Variants in DRD3 observed in about 807,000 individuals in gnomAD.
DRD3 encodes the protein D(3) dopamine receptor.
DRD3 carries 19 observed loss-of-function variants against 36.3 expected under a neutral mutation model. The ratio of observed to expected loss-of-function variants is 0.52; its 90% CI spans 0.36 to 0.77. The LOEUF (loss-of-function observed/expected upper bound fraction) is 0.77, where lower values mean the gene tolerates loss of function less well. Among genes scored for constraint, DRD3 ranks in the 30% least tolerant of loss-of-function variants. The probability of loss-of-function intolerance (pLI) is 0.00; values close to 1 mark genes in which losing one functional copy is unlikely to be tolerated. For missense variants in DRD3, 465 were observed against 505.3 expected, an observed-to-expected ratio of 0.92 and a Z score of 0.77; for synonymous variants, 195 against 203.7, an observed-to-expected ratio of 0.96 and a Z score of 0.36.
At chr3:114,143,686 C>T in intron 4 of DRD3, among the ~76,000 whole-genome samples, 1 of 152,184 alleles carries the variant, frequency 6.6e-6, no homozygotes, top group Admixed American at 6.5e-5. Flanking sequence ...TAAGCTCCCC[C>T]TCCCCCAACC....
At chr3:114,160,610 C>T (rs1291552678) in intron 2 of DRD3, among the ~76,000 whole-genome samples, 1 of 152,188 alleles carries the variant, frequency 6.6e-6, no homozygotes, top group Admixed American at 6.5e-5. Context: ...AAGTCCTTCA[C>T]CCAGTAGAGA....
chr3:114,142,553 G>T (rs935884910), intron 4 of DRD3, among the ~76,000 whole-genome samples: 15 of 152,128 alleles, frequency 9.9e-5, no homozygotes, highest in African/African-American at 3.4e-4. Context: ...AAACATATTT[G>T]TGTATGGACA....
upstream of DRD3, among the ~76,000 whole-genome samples, chr3:114,181,026 G>A (rs1249559115): frequency 6.6e-6 from 1 of 152,184 alleles, no homozygotes; most frequent in Non-Finnish European, 1.5e-5. Context: ...TGTGCCTAAT[G>A]ATAATGCTAT....
At chr3:114,138,514 T>C (rs2077495523) in intron 5 of DRD3, among the ~76,000 whole-genome samples, 1 of 152,088 alleles carries the variant, frequency 6.6e-6, no homozygotes, top group Non-Finnish European at 1.5e-5. Flanking sequence ...TTCACTATCA[T>C]GAGAACAGCA....
intron 4 of DRD3, among the ~76,000 whole-genome samples, chr3:114,142,264 T>C (rs1329182755): frequency 1.3e-5 from 2 of 152,120 alleles, no homozygotes; most frequent in African/African-American, 2.4e-5. Flanking sequence ...CATCTGACTA[T>C]GGTTTTAAAA....
chr3:114,190,064 T>C (rs1246015561), intron 1 of DRD3, among the ~76,000 whole-genome samples: 1 of 152,124 alleles, frequency 6.6e-6, no homozygotes, highest in Non-Finnish European at 1.5e-5. Flanking sequence ...GAATTGCTGA[T>C]TCTTTTTGAA....
chr3:114,163,742 C>T (rs942385969), intron 2 of DRD3, among the ~76,000 whole-genome samples: 1 of 151,974 alleles, frequency 6.6e-6, no homozygotes, highest in African/African-American at 2.4e-5. Flanking sequence ...TTTTTGTTCC[C>T]AGGATCTCAG....
chr3:114,132,736 T>G (rs1199613838), intron 5 of DRD3, among the ~76,000 whole-genome samples: 1 of 152,158 alleles, frequency 6.6e-6, no homozygotes, highest in Admixed American at 6.5e-5. Flanking sequence ...CCCCGAAATG[T>G]GGAGTGTGGG....
intron 3 of DRD3, among the ~76,000 whole-genome samples, chr3:114,148,450 C>T (rs1334608096): frequency 3.9e-5 from 6 of 152,150 alleles, no homozygotes; most frequent in Non-Finnish European, 8.8e-5. Flanking sequence ...TTTTACATAA[C>T]CAAAGCCCAG....
At chr3:114,152,919 G>A (rs1217345249) in intron 3 of DRD3, among the ~76,000 whole-genome samples, 1 of 152,252 alleles carries the variant, frequency 6.6e-6, no homozygotes, top group East Asian at 1.9e-4. Flanking sequence ...CTGCGCTCGC[G>A]GCGGTATTCC....
intron 2 of DRD3, among the ~76,000 whole-genome samples, chr3:114,167,592 G>A (rs1211271950): frequency 6.6e-6 from 1 of 152,176 alleles, no homozygotes; most frequent in African/African-American, 2.4e-5. Flanking sequence ...TCAGTGACTG[G>A]TCCCTGTGGG....
At chr3:114,181,035 A>G (rs1305189633), upstream of DRD3, among the ~76,000 whole-genome samples, 1 of 152,182 alleles carries the variant, frequency 6.6e-6, no homozygotes, top group Non-Finnish European at 1.5e-5. Context: ...TGATAATGCT[A>G]TCTTGATAAT....
chr3:114,171,668 G>A, intron 2 of DRD3, 55 bp downstream of exon 2: 1 of 1,466,610 alleles, frequency 6.8e-7, no homozygotes, highest in Non-Finnish European at 9.1e-7. Context: ...CAGAACTCAG[G>A]GAAGACAAGT....
chr3:114,172,725 T>A (rs1328330557), intron 1 of DRD3, among the ~76,000 whole-genome samples: 1 of 152,182 alleles, frequency 6.6e-6, no homozygotes, highest in Non-Finnish European at 1.5e-5. Context: ...TCTTCCCATG[T>A]AAAATGTGGG....
chr3:114,190,605 C>A (rs1470138358), intron 1 of DRD3, among the ~76,000 whole-genome samples: 2 of 146,204 alleles, frequency 1.4e-5, no homozygotes, highest in African/African-American at 2.5e-5. Flanking sequence ...TGACTTTATG[C>A]TGTTGTTGGC....
At chr3:114,143,710 C>T (rs927232695) in intron 4 of DRD3, among the ~76,000 whole-genome samples, 11 of 152,156 alleles carry the variant, frequency 7.2e-5, no homozygotes, top group African/African-American at 1.9e-4. Context: ...CTCCAGTGCT[C>T]TGAAAACTAG....
chr3:114,153,107 C>T (rs2107854900), intron 3 of DRD3, among the ~76,000 whole-genome samples: 1 of 152,346 alleles, frequency 6.6e-6, no homozygotes, highest in Non-Finnish European at 1.5e-5. Flanking sequence ...GAGAAACGGA[C>T]TGATCAGCTC....
chr3:114,163,559 T>A (rs1260679811), intron 2 of DRD3, among the ~76,000 whole-genome samples: 2 of 152,190 alleles, frequency 1.3e-5, no homozygotes, highest in Non-Finnish European at 2.9e-5. Flanking sequence ...TTCCTGCCTC[T>A]CAAAGTATAG....
At position 114,131,377 on chromosome 3, in the gene DRD3, A is replaced by G. The variant is rs780097954; in HGVS notation, c.747T>C (p.His249=). 2 of 1,614,040 alleles carry G rather than the reference A, an allele frequency of 1.2e-6. No homozygotes were observed. The highest frequency in any genetic ancestry group is 1.7e-6 in the Non-Finnish European group (2 of 1,179,912). Residue 249 remains histidine, a synonymous_variant, in exon 6 of 7, where the codon CAT becomes CAC. Transcript: ENST00000383673. ...TGCTGTAGTAACGCTTCAGCTCCAGATGTGCCGGGTCAGGAGAGAGGGTCT... is the reference window on the plus strand; with the variant it reads ...TGCTGTAGTAACGCTTCAGCTCCAGGTGTGCCGGGTCAGGAGAGAGGGTCT... ...PQQTLSPDPA[H]LELKRYYSIC... is the part of the protein sequence containing the mutation.
Sources: allele counts gnomAD v4.1 joint callset (sites outside exome capture counted in the v4.1 genomes callset), GRCh38; gene constraint gnomAD v4.1.1; transcripts MANE v1.5; gene names NCBI Gene and HGNC (gene_info 2026-07-23, HGNC 2026-07-21).